LRP2BP: variants seen among roughly 807,000 people sequenced by gnomAD.
LRP2BP encodes the protein LRP2-binding protein.
A neutral mutation model predicts 45.2 loss-of-function variants in LRP2BP; 38 were observed. The ratio of observed to expected loss-of-function variants is 0.84; its 90% confidence interval spans 0.65 to 1.10. LRP2BP has a LOEUF of 1.10. Ranked by LOEUF, LRP2BP falls within the 50% of genes least tolerant of loss-of-function variation. LRP2BP has a pLI of 0.00. For synonymous variants in LRP2BP, 153 were observed against 153.9 expected, an observed-to-expected ratio of 0.99 and a Z score of 0.04; for missense variants, 385 against 418.9, an observed-to-expected ratio of 0.92 and a Z score of 0.71.
chr4:185,396,234 TCCCGGGTTGGGAGG>T (rs1165748771), upstream of LRP2BP: 1 of 151,984 alleles, frequency 6.6e-6, no homozygotes, highest in Non-Finnish European at 1.5e-5. Context: ...CGCCTTCACC[TCCCGGGTTGGGAGG>T]CGGGCGACTG....
At chr4:185,370,429 G>T (rs2095410962) in intron 8 of LRP2BP, among the ~76,000 whole-genome samples, 1 of 152,088 alleles carries the variant, frequency 6.6e-6, no homozygotes, top group South Asian at 2.1e-4. Flanking sequence ...CATCAAAATA[G>T]GACTTTTAAT....
chr4:185,394,463 C>T (rs1204761562), intron 1 of LRP2BP, among the ~76,000 whole-genome samples: 1 of 152,158 alleles, frequency 6.6e-6, no homozygotes, highest in Non-Finnish European at 1.5e-5. Context: ...GCCTCAATTT[C>T]CTCTTCTGTA....
rs369281690 is a variant in LRP2BP, at chr4:185,366,895, C to T, written c.*285G>A. The T allele has an allele frequency of 7.9e-5, 18 of 227,378 alleles. No individual in the cohort carries two copies. The highest frequency in any genetic ancestry group is 2.7e-4 in the African/African-American group (12 of 44,278). 14.1% of individuals were successfully genotyped at this position (227,378 alleles called of 1,614,324 possible). On this transcript the variant is annotated 3_prime_UTR_variant, in exon 9 of 9. Coordinates refer to ENST00000505916, the MANE Select transcript of LRP2BP (RefSeq NM_001377440.1). ...GACTCGGTGTTTAAGAAAGGATAAA[C>T]GATACTTGCTGTATAGAATGGTTTT...
intron 1 of LRP2BP, among the ~76,000 whole-genome samples, chr4:185,387,725 A>G (rs535649346): frequency 6.6e-6 from 1 of 152,350 alleles, no homozygotes; most frequent in South Asian, 2.1e-4. Context: ...CCTTGCCTAC[A>G]GCAGCTCCAT....
rs1231709438 is a variant in LRP2BP, at chr4:185,374,140, CTAA to C, written c.571_573del (p.Leu191del). On this transcript the variant is annotated inframe_deletion, in exon 6 of 9. Transcript: ENST00000505916. ...TAAAAAAGAGGGAACGTTACCTTTT[CTAA>C]CTCCTTGGGCTCCTTGGTTGAGTAA... 2 of 1,613,308 alleles carry C rather than the reference CTAA, an allele frequency of 1.2e-6. No individual in the cohort carries two copies. Among genetic ancestry groups the C allele is most frequent in the South Asian group, 2.2e-5 (2 of 90,988 alleles).
intron 6 of LRP2BP, 77 bp from the exon 7 acceptor site, chr4:185,373,156 A>T: frequency 2.3e-6 from 3 of 1,322,316 alleles, no homozygotes; most frequent in Non-Finnish European, 3.2e-6. Context: ...ACAGAAAAGA[A>T]CTCTGTGTTT....
chr4:185,394,933 C>T lies in LRP2BP; in HGVS notation c.-176G>A. 1.0e-6 allele frequency: 1 copy of T among 985,452 alleles called. No homozygotes were observed. Among genetic ancestry groups the T allele is most frequent in the Non-Finnish European group, 1.2e-6 (1 of 829,932 alleles). The allele number at this position is 985,452 out of a possible 1,614,324, so 61.0% of individuals were successfully genotyped here. A position where few individuals can be genotyped will look rare whatever the true frequency, so the allele number is the denominator to read the frequency against. ...TCATCTTCCGTTTTAGAAAATTGAT[C>T]CCACCTGCTACACGCCTGGTGAAAC... On this transcript the variant is annotated 5_prime_UTR_variant, in exon 1 of 9. Coordinates refer to ENST00000505916, the MANE Select transcript of LRP2BP (RefSeq NM_001377440.1).
upstream of LRP2BP, chr4:185,396,927 C>T: frequency 6.2e-7 from 1 of 1,613,628 alleles, no homozygotes; most frequent in Non-Finnish European, 8.5e-7. Flanking sequence ...GCGGGAAATG[C>T]TGTTGCTGGA....
Position 185,385,501 on chromosome 4 carries a change from C to T in LRP2BP, c.-21-7294G>A, listed in dbSNP as rs539623496. The stretch of plus-strand genomic sequence containing the variant: ...TCTGTCCTAGAGTATGAGAGCCACA[C>T]TGAACAGAAAAACCAGATAAATCTT... On this transcript the variant is annotated intron_variant, in intron 1 of 8. Transcript: ENST00000505916. 3.2e-4 allele frequency among the ~76,000 whole-genome samples: 49 copies of T among 152,308 alleles called. 1 individual carries two copies. Among genetic ancestry groups the T allele is most frequent in the African/African-American group, 1.2e-3 (48 of 41,562 alleles).
At chr4:185,396,830 A>C (rs1441227274), upstream of LRP2BP, 15 of 1,360,400 alleles carry the variant, frequency 1.1e-5, no homozygotes, top group Non-Finnish European at 1.4e-5. Flanking sequence ...CTCCCGTGCT[A>C]GGGCCAGCCT....
chr4:185,370,868 T>G (rs1023771976), intron 7 of LRP2BP, 54 bp from the exon 8 acceptor site: 2 of 1,566,564 alleles, frequency 1.3e-6, no homozygotes, highest in African/African-American at 2.7e-5. Flanking sequence ...GGTAAGTGTT[T>G]GTAAAACGAT....
rs1432834071 is a variant in LRP2BP at position 185,367,171 on chromosome 4, C to T, written c.*9G>A. The T allele has an allele frequency of 6.2e-7, 1 of 1,608,820 alleles. No individual in the cohort carries two copies. The highest frequency in any genetic ancestry group is 1.1e-5 in the South Asian group (1 of 90,472). On this transcript the variant is annotated 3_prime_UTR_variant, in exon 9 of 9. Coordinates refer to ENST00000505916, the MANE Select transcript of LRP2BP (RefSeq NM_001377440.1). ...AGCATTGATGATCTTTGTTGAAATA[C>T]ATTGTGGTCTAAATTCTTTGACGAA...
At chr4:185,372,812 G>A in intron 7 of LRP2BP, 44 bp downstream of exon 7, 2 of 1,462,982 alleles carry the variant, frequency 1.4e-6, no homozygotes, top group Non-Finnish European at 1.9e-6. Flanking sequence ...TACCTAGTGT[G>A]TGATATTCTG....
At chr4:185,392,424 C>T (rs1331541009) in intron 1 of LRP2BP, among the ~76,000 whole-genome samples, 2 of 152,110 alleles carry the variant, frequency 1.3e-5, no homozygotes, top group South Asian at 4.1e-4. Context: ...TTATCATCTT[C>T]CCCAAGAAGT....
At chr4:185,379,301 T>A (rs76858839) in intron 1 of LRP2BP, among the ~76,000 whole-genome samples, 2,242 of 152,268 alleles carry the variant, frequency 0.015, 59 homozygotes, top group African/African-American at 0.052. Context: ...GGTAAGGTAT[T>A]AAGAAGAAAA....
chr4:185,395,275 G>A lies in LRP2BP; in HGVS notation c.-518C>T, dbSNP rs2095498849. On this transcript the variant is annotated 5_prime_UTR_variant, in exon 1 of 9. Transcript: ENST00000505916. ...TTTCAAAGAAAAGATATGAAATATGGAGGCACTTTCACCACACAAATATCC... is the reference window on the plus strand; with the variant it reads ...TTTCAAAGAAAAGATATGAAATATGAAGGCACTTTCACCACACAAATATCC... 2.0e-6 allele frequency: 2 copies of A among 985,290 alleles called. No homozygotes were observed. Among genetic ancestry groups the A allele is most frequent in the South Asian group, 9.4e-5 (2 of 21,288 alleles). 61.0% of individuals were successfully genotyped at this position (985,290 alleles called of 1,614,324 possible).
At chr4:185,373,205 T>A in intron 6 of LRP2BP, 126 bp from the exon 7 acceptor site, 1 of 883,602 alleles carries the variant, frequency 1.1e-6, no homozygotes. Flanking sequence ...GAAAGAGCGG[T>A]AGGCCTTTGG....
chr4:185,386,204 G>C (rs1561091269), intron 1 of LRP2BP, among the ~76,000 whole-genome samples: 1 of 152,172 alleles, frequency 6.6e-6, no homozygotes, highest in African/African-American at 2.4e-5. Context: ...TATCTTTCTT[G>C]TACATGATGA....
upstream of LRP2BP, chr4:185,396,108 A>ACCCCGGCGTGGACCAGCGTGACGT (rs1330433659): frequency 6.4e-6 from 1 of 156,270 alleles, no homozygotes; most frequent in Non-Finnish European, 1.4e-5. Context: ...CAGCGTGACG[A>ACCCCGGCGTGGACCAGCGTGACGT]CCCCAGCGTG....
Sources: gnomAD v4.1 joint callset for allele counts (sites outside exome capture counted in the v4.1 genomes callset) on GRCh38, gnomAD v4.1.1 for gene constraint, MANE v1.5 for transcripts, NCBI Gene and HGNC (gene_info 2026-07-23, HGNC 2026-07-21) for gene names.